The following GANC variants were observed in gnomAD, a reference collection of about 807,000 sequenced individuals.
GANC encodes glucosidase alpha, neutral C, also known as neutral alpha-glucosidase C.
In GANC, 117 loss-of-function variants were observed where a neutral mutation model predicts 124.2. That is an observed-to-expected ratio of 0.94 (90% CI 0.81 to 1.10). The LOEUF (loss-of-function observed/expected upper bound fraction) is 1.10. Among genes scored for constraint, GANC ranks in the 50% least tolerant of loss-of-function variants. The probability of loss-of-function intolerance (pLI) is 0.00; values close to 1 mark genes in which losing one functional copy is unlikely to be tolerated. For synonymous variants in GANC, 377 were observed against 376.8 expected (o/e 1.00, Z -0.01); for missense variants, 1,140 against 1,095.0 (o/e 1.04, Z -0.58).
chr15:42,342,818 G>C (rs1200876337), intron 18 of GANC, among the ~76,000 whole-genome samples: 1 of 152,192 alleles, frequency 6.6e-6, no homozygotes, highest in Non-Finnish European at 1.5e-5. Context: ...CTGTGTCAGA[G>C]TCCCTTCCTA....
chr15:42,288,162 A>G (rs969338300), intron 4 of GANC, among the ~76,000 whole-genome samples: 4 of 152,162 alleles, frequency 2.6e-5, no homozygotes, highest in Non-Finnish European at 5.9e-5. Context: ...GTAGAAGGAA[A>G]GCTACTTATT....
chr15:42,282,811 A>G (rs1299331560), intron 3 of GANC, among the ~76,000 whole-genome samples: 1 of 152,222 alleles, frequency 6.6e-6, no homozygotes, highest in Non-Finnish European at 1.5e-5. Flanking sequence ...TATTTCTCGC[A>G]GTTCTGAAGG....
At chr15:42,284,010 T>TA (rs1196408902) in intron 3 of GANC, 4 of 702,276 alleles carry the variant, frequency 5.7e-6, no homozygotes, top group Middle Eastern at 2.3e-4. Context: ...AATGAACTAT[T>TA]AGACCATCCT....
intron 10 of GANC, among the ~76,000 whole-genome samples, chr15:42,316,307 C>T (rs940596083): frequency 6.6e-6 from 1 of 152,090 alleles, no homozygotes; most frequent in African/African-American, 2.4e-5. Flanking sequence ...CCCAGGGGAC[C>T]ACTACCACCA....
intron 6 of GANC, among the ~76,000 whole-genome samples, chr15:42,301,495 C>A (rs1032907176): frequency 2.6e-5 from 4 of 151,674 alleles, no homozygotes; most frequent in African/African-American, 9.7e-5. Flanking sequence ...GGAACACCAG[C>A]GAGACAGAAC....
Position 42,321,768 on chromosome 15 carries a change from T to C in GANC, c.1058-17T>C. Reference sequence around the variant, plus strand: ...ATTGCCATGGCAGTTGACTCAGTTGTCATCTCCCTCTTTTAGGCACACAAG... The same window carrying C: ...ATTGCCATGGCAGTTGACTCAGTTGCCATCTCCCTCTTTTAGGCACACAAG... On this transcript the variant is annotated splice_polypyrimidine_tract_variant and intron_variant, in intron 10 of 23. Transcript: ENST00000318010. 1 of 1,608,112 alleles carries C rather than the reference T, an allele frequency of 6.2e-7. No homozygotes were observed. Among genetic ancestry groups the C allele is most frequent in the African/African-American group, 1.3e-5 (1 of 74,916 alleles).
intron 19 of GANC, among the ~76,000 whole-genome samples, chr15:42,344,066 G>A (rs1337092767): frequency 6.6e-6 from 1 of 152,208 alleles, no homozygotes; most frequent in African/African-American, 2.4e-5. Context: ...GTACTGTCAG[G>A]TGCTGGGCTG....
At chr15:42,289,706 C>A (rs544506016) in intron 4 of GANC, among the ~76,000 whole-genome samples, 143 of 152,210 alleles carry the variant, frequency 9.4e-4, no homozygotes, top group African/African-American at 3.2e-3. Flanking sequence ...ATGTATTTAC[C>A]TATAGAGAAT....
intron 3 of GANC, among the ~76,000 whole-genome samples, chr15:42,279,742 G>T (rs2051712937): frequency 6.6e-6 from 1 of 152,076 alleles, no homozygotes; most frequent in Non-Finnish European, 1.5e-5. Flanking sequence ...GACAGTTAAG[G>T]CCATTAGGTC....
chr15:42,352,908 A>T lies in GANC; in HGVS notation c.*769A>T, dbSNP rs1488508917. 2.2e-6 allele frequency: 1 copy of T among 461,256 alleles called. No homozygotes were observed. The highest frequency in any genetic ancestry group is 2.9e-6 in the Non-Finnish European group (1 of 350,726). The allele number at this position is 461,256 out of a possible 1,614,324, so 28.6% of individuals were successfully genotyped here. ...AGTAGAACTCATGACTGGGACTAGGATGAGGCAAGGGAGACCCTGGCCTTG... is the reference window on the plus strand; with the variant it reads ...AGTAGAACTCATGACTGGGACTAGGTTGAGGCAAGGGAGACCCTGGCCTTG... On this transcript the variant is annotated 3_prime_UTR_variant, in exon 24 of 24. Transcript: ENST00000318010.
At chr15:42,351,837 A>G (rs540725776) in intron 23 of GANC, among the ~76,000 whole-genome samples, 193 bp from the exon 24 acceptor site, 4 of 152,208 alleles carry the variant, frequency 2.6e-5, no homozygotes, top group Admixed American at 1.3e-4. Flanking sequence ...TTTTCAACCA[A>G]TCTTGCGGTC....
intron 10 of GANC, among the ~76,000 whole-genome samples, chr15:42,320,099 G>T (rs772473332): frequency 6.6e-6 from 1 of 152,094 alleles, no homozygotes; most frequent in Non-Finnish European, 1.5e-5. Flanking sequence ...CAGGAAAATC[G>T]CTTGAACCCA....
At position 42,349,430 on chromosome 15, in the gene GANC, A is replaced by G. The variant is rs540589213; in HGVS notation, c.2466A>G (p.Gln822=). The G allele has an allele frequency of 1.9e-5, 31 of 1,613,876 alleles. No homozygotes were observed. The highest frequency in any genetic ancestry group is 1.3e-4 in the African/African-American group (10 of 75,018). ...ELYLDDGHSF[Q]YLHQKQFLHR... is the part of the protein sequence containing the mutation. ...ATCTTGATGATGGCCATTCATTCCAATACCTCCACCAGAAGCAATTTTTGC... is the reference window on the plus strand; with the variant it reads ...ATCTTGATGATGGCCATTCATTCCAGTACCTCCACCAGAAGCAATTTTTGC... Residue 822 remains glutamine (Q), a synonymous_variant, in exon 22 of 24, where the codon CAA becomes CAG. Transcript: ENST00000318010.
chr15:42,278,424 T>C (rs2051697532), intron 2 of GANC, 58 bp from the exon 3 acceptor site: 1 of 1,173,004 alleles, frequency 8.5e-7, no homozygotes, highest in African/African-American at 1.5e-5. Flanking sequence ...TAATATAGTC[T>C]TTTGGATACT....
intron 22 of GANC, among the ~76,000 whole-genome samples, chr15:42,350,351 A>G (rs2052417370): frequency 6.6e-6 from 1 of 151,306 alleles, no homozygotes; most frequent in South Asian, 2.1e-4. Flanking sequence ...TAAAAAATGA[A>G]AAAGGACTTA....
chr15:42,349,738 C>T (rs1215471005), intron 22 of GANC, among the ~76,000 whole-genome samples: 2 of 152,046 alleles, frequency 1.3e-5, no homozygotes, highest in African/African-American at 4.8e-5. Context: ...ACCTCCACCT[C>T]CTGGGTTCAA....
intron 6 of GANC, among the ~76,000 whole-genome samples, chr15:42,300,603 T>C (rs553873067): frequency 6.6e-6 from 1 of 152,328 alleles, no homozygotes; most frequent in East Asian, 1.9e-4. Context: ...ACTTGGTATA[T>C]ACCCAAAGGA....
At chr15:42,327,245 T>C in intron 12 of GANC, 118 bp from the exon 13 acceptor site, 1 of 699,746 alleles carries the variant, frequency 1.4e-6, no homozygotes, top group Non-Finnish European at 2.4e-6. Context: ...GTCAGCCAAC[T>C]TTCGTGTTTA....
intron 11 of GANC, among the ~76,000 whole-genome samples, chr15:42,324,497 C>G (rs891720149): frequency 3.3e-5 from 5 of 152,092 alleles, no homozygotes; most frequent in African/African-American, 1.2e-4. Flanking sequence ...TTTATAGCAG[C>G]ATTAGTCACA....
Sources: allele counts gnomAD v4.1 joint callset (sites outside exome capture counted in the v4.1 genomes callset), GRCh38; gene constraint gnomAD v4.1.1; transcripts MANE v1.5; gene names NCBI Gene and HGNC (gene_info 2026-07-23, HGNC 2026-07-21).